RSF1: variants seen among roughly 807,000 people sequenced by gnomAD.
RSF1 encodes HBV pX-associated protein 8.
RSF1 carries 13 observed loss-of-function variants against 145.2 expected under a neutral mutation model. The ratio of observed to expected loss-of-function variants is 0.09; its 90% CI spans 0.06 to 0.14. The LOEUF is 0.14. RSF1 is among the 10% of genes least tolerant of loss of function. The pLI is 1.00. For missense variants in RSF1, 1,517 were observed against 1,718.2 expected (o/e 0.88, Z 2.07); for synonymous variants, 577 against 592.6 (o/e 0.97, Z 0.38).
the RSF1 span, among the ~76,000 whole-genome samples, chr11:77,832,198 A>G: frequency 5.3e-5 from 8 of 152,164 alleles, no homozygotes; most frequent in African/African-American, 1.4e-4. Context: ...TGTACTTACA[A>G]TTATAGGTTT....
At chr11:77,842,760 T>G in the RSF1 span, 1 of 1,281,658 alleles carries the variant, frequency 7.8e-7, no homozygotes, top group Non-Finnish European at 1.1e-6. Flanking sequence ...ACCATTAAAT[T>G]CACCCTTTTA....
chr11:77,808,030 A>T (rs1948694324), intron 1 of RSF1, among the ~76,000 whole-genome samples: 1 of 152,184 alleles, frequency 6.6e-6, no homozygotes, highest in African/African-American at 2.4e-5. Flanking sequence ...CCATTAAAAA[A>T]ATTTTTTAAA....
intron 1 of RSF1, 122 bp downstream of exon 1, chr11:77,820,406 G>T: frequency 9.4e-7 from 1 of 1,063,654 alleles, no homozygotes; most frequent in Non-Finnish European, 1.3e-6. Flanking sequence ...GCGGAGTTGC[G>T]TCCCAGGGGG....
chr11:77,842,426 CT>C, the RSF1 span: 1 of 1,527,250 alleles, frequency 6.5e-7, no homozygotes, highest in African/African-American at 1.4e-5. Context: ...TATTTTCAAA[CT>C]GTTTCAGCCT....
At chr11:77,730,578 T>C (rs1168940859) in intron 4 of RSF1, among the ~76,000 whole-genome samples, 1 of 152,198 alleles carries the variant, frequency 6.6e-6, no homozygotes, top group Non-Finnish European at 1.5e-5. Context: ...GTTTTTATTA[T>C]GATAACCATA....
At chr11:77,747,158 T>A (rs1948010299) in intron 2 of RSF1, 30 bp from the exon 3 acceptor site, 2 of 1,349,580 alleles carry the variant, frequency 1.5e-6, no homozygotes, top group South Asian at 2.4e-5. Context: ...TCTTAATACA[T>A]GAAAGCAATT....
At chr11:77,793,382 G>A (rs1408093689) in intron 1 of RSF1, among the ~76,000 whole-genome samples, 2 of 152,166 alleles carry the variant, frequency 1.3e-5, no homozygotes, top group Non-Finnish European at 2.9e-5. Context: ...CTACTCAGGA[G>A]GCTAAGGCAG....
chr11:77,729,895 CAAAAAAAAA>C lies in RSF1; in HGVS notation c.579-4205_579-4197del, dbSNP rs398045289. On this transcript the variant is annotated intron_variant, in intron 4 of 15. Transcript: ENST00000308488. ...TATAAATGCCAAATTATTCAGTAGG[CAAAAAAAAA>C]AAAAAAAAAAAAAAAAAAATTGTGG... Among the ~76,000 whole-genome samples, 38 of 48,938 alleles carry C rather than the reference CAAAAAAAAA, an allele frequency of 7.8e-4. 2 individuals carry two copies. The highest frequency in any genetic ancestry group is 1.0e-3 in the Admixed American group (4 of 3,868). The allele number at this position is 48,938 out of a possible 152,430, so 32.1% of individuals were successfully genotyped here.
At chr11:77,735,588 A>T (rs1229319335) in intron 4 of RSF1, among the ~76,000 whole-genome samples, 2 of 152,182 alleles carry the variant, frequency 1.3e-5, no homozygotes, top group Non-Finnish European at 2.9e-5. Flanking sequence ...CTTTAAAGAA[A>T]TTGTTTTAAG....
the RSF1 span, among the ~76,000 whole-genome samples, chr11:77,847,028 T>C: frequency 6.6e-6 from 1 of 152,192 alleles, no homozygotes; most frequent in Non-Finnish European, 1.5e-5. Flanking sequence ...CCCAAACTGA[T>C]GTATGAGCAG....
At chr11:77,826,978 A>G in the RSF1 span, among the ~76,000 whole-genome samples, 1 of 151,738 alleles carries the variant, frequency 6.6e-6, no homozygotes, top group Non-Finnish European at 1.5e-5. Context: ...GGTGGCACAC[A>G]CCCGTCGTCC....
chr11:77,807,209 T>C (rs138127877), intron 1 of RSF1, among the ~76,000 whole-genome samples: 322 of 152,334 alleles, frequency 2.1e-3, no homozygotes, highest in African/African-American at 6.9e-3. Flanking sequence ...TGCCACATTA[T>C]CAGAAACTTC....
intron 7 of RSF1, among the ~76,000 whole-genome samples, chr11:77,694,531 TAAAAG>T (rs991370552): frequency 1.3e-5 from 2 of 152,232 alleles, no homozygotes; most frequent in African/African-American, 4.8e-5. Context: ...ATGTTTAATT[TAAAAG>T]AAAACTTTTT....
At chr11:77,784,552 A>C (rs1224099002) in intron 1 of RSF1, among the ~76,000 whole-genome samples, 1 of 152,086 alleles carries the variant, frequency 6.6e-6, no homozygotes, top group East Asian at 1.9e-4. Context: ...ATATTGAGTA[A>C]ATTAAGCTTG....
chr11:77,708,470 T>C (rs1248130949), intron 5 of RSF1, among the ~76,000 whole-genome samples: 2 of 152,142 alleles, frequency 1.3e-5, no homozygotes, highest in East Asian at 1.9e-4. Flanking sequence ...TGATGTCTAT[T>C]TTAAGCTAAG....
chr11:77,760,167 G>A lies in RSF1; in HGVS notation c.279+4431C>T, dbSNP rs77360405. Among the ~76,000 whole-genome samples, 1,448 of 152,164 alleles carry A rather than the reference G, an allele frequency of 9.5e-3. 22 individuals carry two copies. Among genetic ancestry groups the A allele is most frequent in the African/African-American group, 0.032 (1,322 of 41,498 alleles). On this transcript the variant is annotated intron_variant, in intron 2 of 15. Transcript: ENST00000308488. ...CATTATTCCTAATAGACAACAAAGT[G>A]GGAAACAAGCAAATGTCCATCAACT...
rs375551211 is a variant in RSF1, at chr11:77,798,656, T to TA, written c.187+21871dup. Among the ~76,000 whole-genome samples the TA allele has an allele frequency of 3.2e-3, 140 of 43,490 alleles. 1 individual carries two copies. The highest frequency in any genetic ancestry group is 9.0e-3 in the African/African-American group (124 of 13,810). The allele number at this position is 43,490 out of a possible 152,430, so 28.5% of individuals were successfully genotyped here. A position where few individuals can be genotyped will look rare whatever the true frequency, so the allele number is the denominator to read the frequency against. On this transcript the variant is annotated intron_variant, in intron 1 of 15. Coordinates refer to ENST00000308488, the MANE Select transcript of RSF1 (RefSeq NM_016578.4). ...TACACCATGGAATACTATATAGCCA[T>TA]AAAAAAGGATGAGTTCATGTCTTTT...
chr11:77,686,650 A>G (rs894989151), intron 9 of RSF1, among the ~76,000 whole-genome samples: 24 of 152,188 alleles, frequency 1.6e-4, no homozygotes, highest in African/African-American at 5.5e-4. Flanking sequence ...TGGTCTTTTT[A>G]GAGATAGGTT....
At chr11:77,733,579 A>G (rs1344375512) in intron 4 of RSF1, among the ~76,000 whole-genome samples, 5 of 90,390 alleles carry the variant, frequency 5.5e-5, no homozygotes, top group Non-Finnish European at 1.0e-4. Context: ...TTTTTTTTTG[A>G]GACACAGGGT....
Sources: allele counts gnomAD v4.1 joint callset (sites outside exome capture counted in the v4.1 genomes callset), GRCh38; gene constraint gnomAD v4.1.1; transcripts MANE v1.5; gene names NCBI Gene and HGNC (gene_info 2026-07-23, HGNC 2026-07-21).